The following GPR39 variants were observed in gnomAD, a reference collection of about 807,000 sequenced individuals.
GPR39 encodes G protein-coupled receptor 39.
GPR39 carries 23 observed loss-of-function variants against 18.4 expected under a neutral mutation model. The ratio of observed to expected loss-of-function variants is 1.25; its 90% CI spans 0.90 to 1.77. The LOEUF (loss-of-function observed/expected upper bound fraction) is 1.77. Ranked by LOEUF, GPR39 falls within the 40% of genes most tolerant of loss-of-function variation. The pLI is 0.00. For missense variants in GPR39, 647 were observed against 602.4 expected (o/e 1.07, Z -0.78); for synonymous variants, 280 against 257.9 (o/e 1.09, Z -0.82).
intron 1 of GPR39, among the ~76,000 whole-genome samples, chr2:132,549,617 A>G (rs1680007154): frequency 1.3e-5 from 2 of 151,920 alleles, no homozygotes; most frequent in Non-Finnish European, 2.9e-5. Flanking sequence ...TGAAACCCCA[A>G]CTCTACTAAA....
intron 1 of GPR39, among the ~76,000 whole-genome samples, chr2:132,601,134 T>G (rs777380427): frequency 1.3e-5 from 2 of 152,102 alleles, no homozygotes; most frequent in African/African-American, 2.4e-5. Context: ...GAGGCCAGGA[T>G]TTACCCTGAT....
chr2:132,645,864 G>GAAT lies in GPR39; in HGVS notation c.*259_*261dup. 1.5e-6 allele frequency: 1 copy of GAAT among 658,496 alleles called. No individual in the cohort carries two copies. The highest frequency in any genetic ancestry group is 2.5e-6 in the Non-Finnish European group (1 of 395,734). 40.8% of individuals were successfully genotyped at this position (658,496 alleles called of 1,614,324 possible). The stretch of plus-strand genomic sequence containing the variant: ...TACATACTGAAAATTCAGTCAGGCT[G>GAAT]AATTTATTCAGAATGCTTTACCGAG... On this transcript the variant is annotated 3_prime_UTR_variant, in exon 2 of 2. Transcript: ENST00000329321.
At position 132,424,289 on chromosome 2, in the gene GPR39, G is replaced by C. The variant is rs115018635; in HGVS notation, c.856+6391G>C. On this transcript the variant is annotated intron_variant, in intron 1 of 1. Coordinates refer to ENST00000329321, the MANE Select transcript of GPR39 (RefSeq NM_001508.3). ...GGCTCTTTCACCACTTTTTAACAAGGGGTCCTCAAGGTAATGAGGATACAG... is the reference window on the plus strand; with the variant it reads ...GGCTCTTTCACCACTTTTTAACAAGCGGTCCTCAAGGTAATGAGGATACAG... Among the ~76,000 whole-genome samples the C allele has an allele frequency of 6.9e-4, 105 of 152,246 alleles. 1 individual carries two copies. Among genetic ancestry groups the C allele is most frequent in the African/African-American group, 2.5e-3 (102 of 41,548 alleles).
chr2:132,607,231 G>T (rs72985819), intron 1 of GPR39, among the ~76,000 whole-genome samples: 1,891 of 152,206 alleles, frequency 0.012, 52 homozygotes, highest in African/African-American at 0.043. Flanking sequence ...AAGATATTTG[G>T]TTTTTTTAAA....
chr2:132,548,768 G>A (rs1679990069), intron 1 of GPR39, among the ~76,000 whole-genome samples: 1 of 152,108 alleles, frequency 6.6e-6, no homozygotes, highest in Non-Finnish European at 1.5e-5. Context: ...ACAGCATTTG[G>A]TAAAACATAA....
chr2:132,608,777 G>GC (rs1040639276), intron 1 of GPR39, among the ~76,000 whole-genome samples: 43 of 152,288 alleles, frequency 2.8e-4, no homozygotes, highest in African/African-American at 9.9e-4. Context: ...GTAGCCATTA[G>GC]CCCCCTCCGC....
chr2:132,536,285 G>C (rs1005859062), intron 1 of GPR39, among the ~76,000 whole-genome samples: 8 of 152,090 alleles, frequency 5.3e-5, no homozygotes. Context: ...TGTTCTCACT[G>C]GTTTCAAATA....
At chr2:132,623,280 G>A (rs1681478612) in intron 1 of GPR39, among the ~76,000 whole-genome samples, 1 of 152,166 alleles carries the variant, frequency 6.6e-6, no homozygotes, top group Admixed American at 6.5e-5. Context: ...CCAGCACAGA[G>A]TTTCATTGAC....
chr2:132,514,301 A>G (rs940857108), intron 1 of GPR39, among the ~76,000 whole-genome samples: 1 of 151,850 alleles, frequency 6.6e-6, no homozygotes. Context: ...GGCATGTCAG[A>G]GCTCCTGGGT....
intron 1 of GPR39, among the ~76,000 whole-genome samples, chr2:132,492,939 CACACCATATATACACCATATATAT>C (rs1345953114): frequency 2.9e-5 from 4 of 138,338 alleles, no homozygotes; most frequent in Non-Finnish European, 6.2e-5. Flanking sequence ...ACCATATATA[CACACCATATATACACCATATATAT>C]ACACCATATA....
chr2:132,493,214 G>GTACACCATATATACACCATATATA (rs1246947669), intron 1 of GPR39, among the ~76,000 whole-genome samples: 1 of 105,424 alleles, frequency 9.5e-6, no homozygotes, highest in Non-Finnish European at 1.8e-5. Context: ...CACCATATAT[G>GTACACCATATATACACCATATATA]TACACCATAT....
chr2:132,585,568 C>G (rs535710319), intron 1 of GPR39, among the ~76,000 whole-genome samples: 1 of 152,340 alleles, frequency 6.6e-6, no homozygotes, highest in South Asian at 2.1e-4. Flanking sequence ...CGGACGGGGC[C>G]TGGACTTCGA....
At position 132,646,349 on chromosome 2, in the gene GPR39, A is replaced by C. The variant is rs1682077203; in HGVS notation, c.*743A>C. The C allele has an allele frequency of 1.8e-6, 2 of 1,106,244 alleles. No individual in the cohort carries two copies. The highest frequency in any genetic ancestry group is 3.7e-5 in the Admixed American group (1 of 27,136). 68.5% of individuals were successfully genotyped at this position (1,106,244 alleles called of 1,614,324 possible). ...AAAGAATAGCTGTCCCTCTCAGCCC[A>C]AATCCAAACGGACAGCTCTTCCTTA... On this transcript the variant is annotated 3_prime_UTR_variant, in exon 2 of 2. Transcript: ENST00000329321.
intron 1 of GPR39, among the ~76,000 whole-genome samples, chr2:132,432,638 T>A (rs1196746478): frequency 2.0e-5 from 3 of 152,174 alleles, no homozygotes; most frequent in African/African-American, 7.2e-5. Context: ...TAGGACCTGG[T>A]ATTCTCGGAG....
intron 1 of GPR39, among the ~76,000 whole-genome samples, chr2:132,544,205 C>A (rs745947518): frequency 1.3e-4 from 20 of 152,304 alleles, no homozygotes; most frequent in East Asian, 7.7e-4. Flanking sequence ...CTCTGGCTTG[C>A]CTGGGAGACT....
chr2:132,503,263 T>C (rs1356069566), intron 1 of GPR39, among the ~76,000 whole-genome samples: 1 of 152,210 alleles, frequency 6.6e-6, no homozygotes, highest in Admixed American at 6.5e-5. Flanking sequence ...CAAGGAGTGC[T>C]ATTTTGATGT....
intron 1 of GPR39, among the ~76,000 whole-genome samples, chr2:132,592,977 G>T (rs557635948): frequency 6.6e-6 from 1 of 152,122 alleles, no homozygotes; most frequent in Non-Finnish European, 1.5e-5. Flanking sequence ...TGATGACCAC[G>T]ACCACCCTCA....
intron 1 of GPR39, among the ~76,000 whole-genome samples, chr2:132,563,587 T>C (rs1388311652): frequency 6.6e-6 from 1 of 152,188 alleles, no homozygotes; most frequent in Non-Finnish European, 1.5e-5. Flanking sequence ...CACTGGATTA[T>C]GGTGAATGTG....
intron 1 of GPR39, among the ~76,000 whole-genome samples, chr2:132,644,069 C>G (rs988720758): frequency 6.6e-6 from 1 of 152,210 alleles, no homozygotes; most frequent in Non-Finnish European, 1.5e-5. Context: ...GCAAATGCTT[C>G]ACAGATCCCC....
Sources: allele counts gnomAD v4.1 joint callset (sites outside exome capture counted in the v4.1 genomes callset), GRCh38; gene constraint gnomAD v4.1.1; transcripts MANE v1.5; gene names NCBI Gene and HGNC (gene_info 2026-07-23, HGNC 2026-07-21).